Variants in KIF26B observed in about 807,000 individuals in gnomAD.
KIF26B encodes kinesin-like protein KIF26B.
Under a neutral mutation model 151.2 loss-of-function variants are expected in KIF26B, and 63 were observed. The observed-to-expected ratio is 0.42, with a 90% CI of 0.34 to 0.51. KIF26B has a LOEUF of 0.51. Among genes scored for constraint, KIF26B ranks in the 20% least tolerant of loss-of-function variants. The pLI is 0.07. For missense variants in KIF26B, 2,813 were observed against 2,913.6 expected (o/e 0.97, Z 0.79); for synonymous variants, 1,357 against 1,262.1 (o/e 1.08, Z -1.59).
chr1:245,611,330 T>G (rs569234049), intron 8 of KIF26B, among the ~76,000 whole-genome samples: 1 of 152,326 alleles, frequency 6.6e-6, no homozygotes, highest in South Asian at 2.1e-4. Context: ...TTTACATCTT[T>G]GGGACACCAC....
intron 9 of KIF26B, 26 bp from the exon 10 acceptor site, chr1:245,646,095 C>T (rs762778885): frequency 6.2e-7 from 1 of 1,608,610 alleles, no homozygotes; most frequent in East Asian, 2.2e-5. Context: ...TTAACCATTT[C>T]TCTTTTATCT....
intron 9 of KIF26B, among the ~76,000 whole-genome samples, chr1:245,626,500 T>C (rs773338177): frequency 6.6e-6 from 1 of 151,986 alleles, no homozygotes; most frequent in African/African-American, 2.4e-5. Context: ...ATTAGGGACA[T>C]TGAACATTTT....
Position 245,523,295 on chromosome 1 carries a change from A to T in KIF26B, c.1167-17472A>T, listed in dbSNP as rs551975477. ...TTATTTGGTCCCATATTCTCAATTTACACAATTCTTTTCTCCAATCACATT... is the reference window on the plus strand; with the variant it reads ...TTATTTGGTCCCATATTCTCAATTTTCACAATTCTTTTCTCCAATCACATT... On this transcript the variant is annotated intron_variant, in intron 4 of 14. Coordinates refer to ENST00000407071, the MANE Select transcript of KIF26B (RefSeq NM_018012.4). 7.2e-5 allele frequency among the ~76,000 whole-genome samples: 11 copies of T among 152,304 alleles called. No individual in the cohort carries two copies. In the South Asian group the frequency reaches 2.3e-3, roughly 32 times the overall value.
In KIF26B at chr1:245,367,889, A is replaced by C. The variant is rs1402957699; in HGVS notation, c.999+522A>C. Among the ~76,000 whole-genome samples the C allele has an allele frequency of 6.6e-6, 1 of 152,234 alleles. No individual in the cohort carries two copies. ...ACATGTAGGCCAACACCTGCCATAT[A>C]GTAGGGGATCATTGTTGTGCCTGTT... On this transcript the variant is annotated intron_variant, in intron 3 of 14. Transcript: ENST00000407071. This position sits in a 1 kb window ranked among gnomAD's most constrained non-coding sequence, Gnocchi z 4.2.
chr1:245,576,247 C>T (rs1267592792), intron 5 of KIF26B, among the ~76,000 whole-genome samples: 4 of 152,182 alleles, frequency 2.6e-5, no homozygotes, highest in Middle Eastern at 3.2e-3. Context: ...CCAGAGTTAC[C>T]GGGACGCAGC....
chr1:245,161,808 C>T (rs891164098), intron 2 of KIF26B, among the ~76,000 whole-genome samples: 1 of 152,044 alleles, frequency 6.6e-6, no homozygotes, highest in Non-Finnish European at 1.5e-5. Context: ...GTTAAGGGTC[C>T]CTGTGAGTAG....
At chr1:245,634,980 TGTAG>T (rs1469038710) in intron 9 of KIF26B, among the ~76,000 whole-genome samples, 4 of 152,218 alleles carry the variant, frequency 2.6e-5, no homozygotes, top group Admixed American at 6.5e-5. Context: ...ATACTGAGAT[TGTAG>T]GAGTAAGCCA....
At chr1:245,519,804 A>G (rs1391433541) in intron 4 of KIF26B, among the ~76,000 whole-genome samples, 1 of 152,190 alleles carries the variant, frequency 6.6e-6, no homozygotes, top group Non-Finnish European at 1.5e-5. Context: ...TAAACACAGA[A>G]AAGGTACAGT....
chr1:245,455,105 C>T (rs1468985733), intron 4 of KIF26B, among the ~76,000 whole-genome samples: 1 of 152,218 alleles, frequency 6.6e-6, no homozygotes, highest in Non-Finnish European at 1.5e-5. Flanking sequence ...CAGGCTGGCT[C>T]TGTGTCATGT....
chr1:245,477,705 G>A (rs1660070984), intron 4 of KIF26B, among the ~76,000 whole-genome samples: 2 of 151,678 alleles, frequency 1.3e-5, no homozygotes, highest in South Asian at 2.1e-4. Context: ...AGGGAGAGCG[G>A]GCCTGTCATG....
intron 2 of KIF26B, among the ~76,000 whole-genome samples, chr1:245,325,103 AAAAAAAAAG>A (rs752356405): frequency 0.054 from 8,115 of 150,432 alleles, 265 homozygotes; most frequent in African/African-American, 0.085. Context: ...TCAAAAAAAA[AAAAAAAAAG>A]AAAAAAAGAA....
intron 5 of KIF26B, among the ~76,000 whole-genome samples, chr1:245,587,337 T>A (rs561213902): frequency 6.6e-6 from 1 of 152,288 alleles, no homozygotes; most frequent in East Asian, 1.9e-4. Context: ...TGATAAACCG[T>A]AAGCCCCTTG....
chr1:245,478,666 C>T (rs913686875), intron 4 of KIF26B, among the ~76,000 whole-genome samples: 5 of 151,630 alleles, frequency 3.3e-5, no homozygotes, highest in African/African-American at 1.2e-4. Context: ...CCACCCGTAT[C>T]GGCCTCCCAA....
rs748446893 is a variant in KIF26B, at chr1:245,564,458, T to C, written c.1350+23508T>C. 6.6e-6 allele frequency among the ~76,000 whole-genome samples: 1 copy of C among 152,124 alleles called. No individual in the cohort carries two copies. The highest frequency in any genetic ancestry group is 2.4e-5 in the African/African-American group (1 of 41,430). ...GTGGTTTGTTCTCCCCGTTCAAGTG[T>C]TGCTGACTGGTGGGGAGGGACAGCA... is the stretch of plus-strand genomic sequence containing the variant. On this transcript the variant is annotated intron_variant, in intron 5 of 14. Coordinates refer to ENST00000407071, the MANE Select transcript of KIF26B (RefSeq NM_018012.4). The surrounding 1 kb of genome is among the most constrained non-coding windows in gnomAD (Gnocchi z 4.6).
intron 3 of KIF26B, among the ~76,000 whole-genome samples, chr1:245,418,900 A>T (rs1363884522): frequency 6.6e-6 from 1 of 152,242 alleles, no homozygotes; most frequent in Non-Finnish European, 1.5e-5. Context: ...AGCTCCATCC[A>T]CTAGAACTTC....
rs1387405665 is a variant in KIF26B at position 245,601,751 on chromosome 1, C to T, written c.1351-826C>T. On this transcript the variant is annotated intron_variant, in intron 5 of 14. Transcript: ENST00000407071. This position sits in a 1 kb window ranked among gnomAD's most constrained non-coding sequence, Gnocchi z 4.4. ...TTAGAGCAAATGCTGTCCCTTTTCCCAGGACTGTAGCTTCCAGACCCGTGT... is the reference window on the plus strand; with the variant it reads ...TTAGAGCAAATGCTGTCCCTTTTCCTAGGACTGTAGCTTCCAGACCCGTGT... Among the ~76,000 whole-genome samples, 1 of 152,194 alleles carries T rather than the reference C, an allele frequency of 6.6e-6. No homozygotes were observed. Among genetic ancestry groups the T allele is most frequent in the Non-Finnish European group, 1.5e-5 (1 of 68,042 alleles).
chr1:245,524,205 C>T (rs950993083), intron 4 of KIF26B, among the ~76,000 whole-genome samples: 1 of 152,136 alleles, frequency 6.6e-6, no homozygotes, highest in African/African-American at 2.4e-5. Context: ...GGGAAGGGAA[C>T]AAAAGCATTT....
In KIF26B at chr1:245,244,620, TC is replaced by T. The variant is rs1172518324; in HGVS notation, c.465+87941del. Among the ~76,000 whole-genome samples the T allele has an allele frequency of 5.3e-5, 8 of 152,074 alleles. No individual in the cohort carries two copies. Among genetic ancestry groups the T allele is most frequent in the Admixed American group, 1.3e-4 (2 of 15,248 alleles). ...AGACTCATGAAATGGCAAGAGACCC[TC>T]CCCTCCCCTGACTTCCAATGTGACA... On this transcript the variant is annotated intron_variant, in intron 2 of 14. Coordinates refer to ENST00000407071, the MANE Select transcript of KIF26B (RefSeq NM_018012.4). The surrounding 1 kb of genome is among the most constrained non-coding windows in gnomAD (Gnocchi z 4.2).
At chr1:245,626,722 G>A (rs760719011) in intron 9 of KIF26B, among the ~76,000 whole-genome samples, 9 of 152,012 alleles carry the variant, frequency 5.9e-5, no homozygotes, top group African/African-American at 1.5e-4. Flanking sequence ...TGTGCAGAAC[G>A]TTTTTAGTTT....
Sources: gnomAD v4.1 joint callset for allele counts (sites outside exome capture counted in the v4.1 genomes callset) on GRCh38, gnomAD v4.1.1 for gene constraint, Gnocchi (gnomAD v3.1) non-coding constraint, MANE v1.5 for transcripts, NCBI Gene and HGNC (gene_info 2026-07-23, HGNC 2026-07-21) for gene names.